Variants in ART3 observed in about 807,000 individuals in gnomAD.
The protein encoded by ART3 is ecto-ADP-ribosyltransferase 3.
In ART3, 49 loss-of-function variants were observed where a neutral mutation model predicts 48.5. That is an observed-to-expected ratio of 1.01 (90% CI 0.80 to 1.28). The LOEUF is 1.28. Among genes scored for constraint, ART3 ranks in the 50% most tolerant of loss-of-function variants. The pLI, the probability that ART3 is intolerant of heterozygous loss-of-function variation, is 0.00. For synonymous variants in ART3, 145 were observed against 157.2 expected (o/e 0.92, Z 0.58); for missense variants, 438 against 454.3 (o/e 0.96, Z 0.33).
intron 1 of ART3, among the ~76,000 whole-genome samples, chr4:76,029,349 T>C (rs971341126): frequency 6.6e-6 from 1 of 152,230 alleles, no homozygotes; most frequent in Non-Finnish European, 1.5e-5. Flanking sequence ...TTAGTAGCAG[T>C]TTATTGAGCA....
At chr4:76,013,034 C>T (rs760320141) in intron 1 of ART3, among the ~76,000 whole-genome samples, 7 of 152,152 alleles carry the variant, frequency 4.6e-5, no homozygotes, top group Admixed American at 3.9e-4. Flanking sequence ...AGAGAGTTCA[C>T]AGTTCAGTGG....
chr4:76,014,762 CT>C (rs1176879210), intron 1 of ART3, among the ~76,000 whole-genome samples: 3 of 152,142 alleles, frequency 2.0e-5, no homozygotes, highest in African/African-American at 7.2e-5. Context: ...AATAGTCAAA[CT>C]GCTAAAACTC....
chr4:76,088,906 T>A (rs1479010058), intron 3 of ART3, among the ~76,000 whole-genome samples: 1 of 152,198 alleles, frequency 6.6e-6, no homozygotes, highest in Non-Finnish European at 1.5e-5. Context: ...TTACATGTTA[T>A]ATCATAGTAC....
chr4:76,075,003 A>T (rs1315962242), intron 1 of ART3, among the ~76,000 whole-genome samples, 184 bp downstream of exon 1: 2 of 152,200 alleles, frequency 1.3e-5, no homozygotes. Flanking sequence ...TAGTATTTTT[A>T]GTAAAAACAA....
At chr4:76,027,126 G>A (rs996962141) in intron 1 of ART3, among the ~76,000 whole-genome samples, 4 of 152,042 alleles carry the variant, frequency 2.6e-5, no homozygotes, top group African/African-American at 9.7e-5. Flanking sequence ...GGTGGTGGGC[G>A]ACTGTAATCC....
intron 1 of ART3, among the ~76,000 whole-genome samples, chr4:76,062,809 C>A (rs1282757842): frequency 2.0e-5 from 3 of 152,074 alleles, no homozygotes; most frequent in African/African-American, 7.2e-5. Context: ...ATCCGCCCAC[C>A]TCAGCCTCCC....
chr4:76,100,852 G>T (rs192368098), intron 7 of ART3, 28 bp downstream of exon 7: 3 of 1,609,152 alleles, frequency 1.9e-6, no homozygotes, highest in Middle Eastern at 1.7e-4. Flanking sequence ...AATTCTGGGG[G>T]CTTACATTTT....
intron 2 of ART3, 140 bp from the exon 3 acceptor site, chr4:76,081,684 C>T (rs1722507907): frequency 1.3e-6 from 1 of 750,050 alleles, no homozygotes; most frequent in Non-Finnish European, 2.2e-6. Flanking sequence ...ATACTTCCTG[C>T]ATAAAAACCT....
chr4:76,097,239 CTG>C (rs529811696), intron 3 of ART3, among the ~76,000 whole-genome samples: 79 of 152,246 alleles, frequency 5.2e-4, no homozygotes, highest in African/African-American at 1.9e-3. Flanking sequence ...GGGTCTCACT[CTG>C]TCACCCAGGC....
chr4:76,050,431 A>G (rs77740134), intron 1 of ART3, among the ~76,000 whole-genome samples: 6 of 152,126 alleles, frequency 3.9e-5, no homozygotes, highest in South Asian at 2.1e-4. Flanking sequence ...ACGGAGTGTC[A>G]ATTGGTGCAT....
intron 5 of ART3, 72 bp downstream of exon 5, chr4:76,099,059 T>C (rs755342706): frequency 1.3e-5 from 19 of 1,407,614 alleles, no homozygotes; most frequent in Non-Finnish European, 1.6e-5. Context: ...CCCAGCGCTT[T>C]GGAAGGCCGA....
Position 76,103,967 on chromosome 4 carries a change from C to A in ART3, c.968C>A (p.Pro323His). Residue 323 changes from proline (P) to histidine (H), a missense_variant and splice_region_variant, in exon 9 of 12, where the codon CCT (proline) becomes CAT (histidine). Physicochemically the swap from Pro to His is moderately conservative, Grantham distance 77. Around this residue, in one of 3 missense-constraint regions of ART3, gnomAD observed 227 missense variants for 229.6 expected, o/e 0.99. Coordinates refer to ENST00000355810, the MANE Select transcript of ART3 (RefSeq NM_001130016.3). Reference protein sequence around the residue: ...GVKILEPTQIPGMKIPEPFPL... With the variant: ...GVKILEPTQIHGMKIPEPFPL... ...AAAATCCTTGAACCCACCCAAATAC[C>A]TGGTAAGACAGCTTTCTATTTACTC... 2 of 1,613,404 alleles carry A rather than the reference C, an allele frequency of 1.2e-6. No homozygotes were observed. The highest frequency in any genetic ancestry group is 1.7e-6 in the Non-Finnish European group (2 of 1,179,618).
Position 76,035,118 on chromosome 4 carries a change from T to C in ART3, c.-10+23798T>C, listed in dbSNP as rs763146774. The C allele has an allele frequency of 1.4e-5, 22 of 1,588,918 alleles. No individual in the cohort carries two copies. In the East Asian group the frequency reaches 4.2e-4, roughly 30 times the overall value. On this transcript the variant is annotated intron_variant, in intron 1 of 9. Coordinates refer to the ART3 transcript ENST00000341029. ...TGTCCTTTATTTTCTTTCAGGGTAA[T>C]ACTGTTAAAAGAACATACAAGAGTC...
At chr4:76,034,128 A>G (rs1347471999) in intron 1 of ART3, 3 of 253,852 alleles carry the variant, frequency 1.2e-5, no homozygotes, top group Non-Finnish European at 2.2e-5. Context: ...TTTATGAATT[A>G]CATTTAATGA....
chr4:76,095,024 T>A (rs1228230736), intron 3 of ART3, among the ~76,000 whole-genome samples: 1 of 152,252 alleles, frequency 6.6e-6, no homozygotes. Flanking sequence ...TTAGGTTTCC[T>A]TTTTCATTCC....
intron 1 of ART3, among the ~76,000 whole-genome samples, chr4:76,053,166 GT>G (rs1270172945): frequency 2.6e-5 from 4 of 152,126 alleles, no homozygotes; most frequent in Non-Finnish European, 2.9e-5. Flanking sequence ...AATTTACTTT[GT>G]TTTTTAACTA....
intron 1 of ART3, among the ~76,000 whole-genome samples, chr4:76,068,428 A>G (rs995037970): frequency 6.6e-6 from 1 of 152,218 alleles, no homozygotes; most frequent in Non-Finnish European, 1.5e-5. Context: ...CATATATACC[A>G]TGTAATACTA....
At chr4:76,106,026 T>C (rs1384241842) in intron 10 of ART3, 3 of 985,272 alleles carry the variant, frequency 3.0e-6, no homozygotes, top group Non-Finnish European at 3.6e-6. Flanking sequence ...GAAAGCTATG[T>C]GTAGCTTTTT....
chr4:76,112,505 T>A lies in ART3; in HGVS notation c.1156T>A (p.Phe386Ile), dbSNP rs932829342. The change falls in exon 12 of 12, where the codon TTT becomes ATT. Residue 386 changes from phenylalanine to isoleucine, a missense_variant. This residue lies in a region of ART3 where 227 missense variants were observed against 229.6 expected (regional missense o/e 0.99). Coordinates refer to ENST00000355810, the MANE Select transcript of ART3 (RefSeq NM_001130016.3). ...ILISVSAINL[F>I]VAL is the part of the protein sequence containing the mutation. Reference sequence around the variant, plus strand: ...AATCAGTGTTTCTGCTATAAATCTCTTTGTTGCTCTGTAGTTTGATGCATT... The same window carrying A: ...AATCAGTGTTTCTGCTATAAATCTCATTGTTGCTCTGTAGTTTGATGCATT... 5.6e-5 allele frequency: 91 copies of A among 1,613,464 alleles called. No individual in the cohort carries two copies. The highest frequency in any genetic ancestry group is 7.5e-5 in the Non-Finnish European group (88 of 1,179,764).
Sources: allele counts gnomAD v4.1 joint callset (sites outside exome capture counted in the v4.1 genomes callset), GRCh38; gene constraint gnomAD v4.1.1; regional missense constraint gnomAD v4.1.1; transcripts MANE v1.5; gene names NCBI Gene and HGNC (gene_info 2026-07-23, HGNC 2026-07-21).